The following JAKMIP2 variants were observed in gnomAD, a reference collection of about 807,000 sequenced individuals.
JAKMIP2 encodes janus kinase and microtubule interacting protein 2, also known as janus kinase and microtubule-interacting protein 2.
Under a neutral mutation model 115.0 loss-of-function variants are expected in JAKMIP2, and 25 were observed. That is an observed-to-expected ratio of 0.22 (90% CI 0.16 to 0.30). The LOEUF is 0.30. Among genes scored for constraint, JAKMIP2 ranks in the 10% least tolerant of loss-of-function variants. The pLI is 1.00. For missense variants in JAKMIP2, 642 were observed against 957.6 expected (o/e 0.67, Z 4.35); for synonymous variants, 334 against 343.6 (o/e 0.97, Z 0.31).
At chr5:147,621,307 C>T (rs1348195085) in intron 17 of JAKMIP2, among the ~76,000 whole-genome samples, 1 of 152,216 alleles carries the variant, frequency 6.6e-6, no homozygotes, top group African/African-American at 2.4e-5. Flanking sequence ...TTCTCAGTTT[C>T]TGTGTGCTTC....
At chr5:147,597,281 A>G (rs1416237527) in intron 21 of JAKMIP2, among the ~76,000 whole-genome samples, 1 of 152,172 alleles carries the variant, frequency 6.6e-6, no homozygotes, top group Non-Finnish European at 1.5e-5. Flanking sequence ...ACGTTTTAAC[A>G]AATAATACAG....
chr5:147,770,987 T>C (rs1229222815), intron 1 of JAKMIP2, among the ~76,000 whole-genome samples: 1 of 152,148 alleles, frequency 6.6e-6, no homozygotes, highest in Non-Finnish European at 1.5e-5. Context: ...TTTTTTTCAC[T>C]GAGGAAAGTG....
At chr5:147,616,751 A>C (rs1295188407) in intron 19 of JAKMIP2, among the ~76,000 whole-genome samples, 1 of 152,202 alleles carries the variant, frequency 6.6e-6, no homozygotes, top group East Asian at 1.9e-4. Flanking sequence ...GGGCATTAAT[A>C]GGAACATGTA....
intron 6 of JAKMIP2, 119 bp downstream of exon 6, chr5:147,644,731 A>T: frequency 2.2e-6 from 2 of 895,404 alleles, no homozygotes; most frequent in South Asian, 4.0e-5. Context: ...CCTTGCTTAC[A>T]TAAGGAAAAA....
intron 1 of JAKMIP2, among the ~76,000 whole-genome samples, chr5:147,715,216 T>A (rs1752927240): frequency 6.6e-6 from 1 of 151,902 alleles, no homozygotes; most frequent in Non-Finnish European, 1.5e-5. Flanking sequence ...CGATTCAAAA[T>A]AAATCAATAA....
At chr5:147,720,536 C>T (rs1232261669) in intron 1 of JAKMIP2, among the ~76,000 whole-genome samples, 1 of 148,050 alleles carries the variant, frequency 6.8e-6, no homozygotes, top group African/African-American at 2.5e-5. Flanking sequence ...TTCTTGGAGG[C>T]TTTGCTCATT....
At chr5:147,682,950 G>T (rs1174681355) in intron 1 of JAKMIP2, among the ~76,000 whole-genome samples, 1 of 152,126 alleles carries the variant, frequency 6.6e-6, no homozygotes, top group Non-Finnish European at 1.5e-5. Flanking sequence ...GAAGGCTTTT[G>T]CTAGGATGAA....
Position 147,764,968 on chromosome 5 carries a change from G to GA in JAKMIP2, c.-149+17487_-149+17488insT, listed in dbSNP as rs1561582750. 3.8e-3 allele frequency among the ~76,000 whole-genome samples: 152 copies of GA among 39,588 alleles called. 7 individuals are homozygous for GA. The highest frequency in any genetic ancestry group is 0.013 in the South Asian group (14 of 1,074). The allele number at this position is 39,588 out of a possible 152,430, so 26.0% of individuals were successfully genotyped here. ...AGAGGGAGAGAGAGAGAGAGAGAGGGGGAGAGAGAGAGAGAGAGAGAGGGA... is the reference window on the plus strand; with the variant it reads ...AGAGGGAGAGAGAGAGAGAGAGAGGGAGGAGAGAGAGAGAGAGAGAGAGGGA... On this transcript the variant is annotated intron_variant, in intron 1 of 21. Transcript: ENST00000616793.
intron 2 of JAKMIP2, among the ~76,000 whole-genome samples, chr5:147,665,133 C>T (rs1759228236): frequency 6.6e-6 from 1 of 152,156 alleles, no homozygotes; most frequent in African/African-American, 2.4e-5. Flanking sequence ...GGGCAAACTA[C>T]CACCCATGAG....
At chr5:147,738,855 G>T (rs1754027839) in intron 1 of JAKMIP2, among the ~76,000 whole-genome samples, 1 of 152,070 alleles carries the variant, frequency 6.6e-6, no homozygotes, top group Non-Finnish European at 1.5e-5. Flanking sequence ...GATAATCACA[G>T]TCTTTACTAA....
At chr5:147,751,256 G>GTT (rs59032563) in intron 1 of JAKMIP2, among the ~76,000 whole-genome samples, 1,458 of 131,564 alleles carry the variant, frequency 0.011, 29 homozygotes, top group African/African-American at 0.035. Context: ...TTTTGTTGTT[G>GTT]TTTTTTTTTT....
intron 19 of JAKMIP2, 85 bp from the exon 20 acceptor site, chr5:147,612,456 T>C: frequency 6.7e-6 from 5 of 742,050 alleles, no homozygotes; most frequent in Non-Finnish European, 1.1e-5. Context: ...AACACGAAAC[T>C]TCCTATACAA....
At chr5:147,669,859 A>G (rs1457205109) in intron 2 of JAKMIP2, among the ~76,000 whole-genome samples, 1 of 152,168 alleles carries the variant, frequency 6.6e-6, no homozygotes, top group African/African-American at 2.4e-5. Flanking sequence ...TTCTCACCTC[A>G]CTACTTTATC....
chr5:147,702,157 T>C (rs1346676893), intron 1 of JAKMIP2, among the ~76,000 whole-genome samples: 1 of 152,154 alleles, frequency 6.6e-6, no homozygotes, highest in Non-Finnish European at 1.5e-5. Flanking sequence ...TTGATGGAAC[T>C]ATTTTACTGG....
Position 147,631,494 on chromosome 5 carries a change from G to A in JAKMIP2, c.1794C>T (p.Ser598=), listed in dbSNP as rs1757346918. The change falls in exon 14 of 22, where the codon TCC becomes TCT. Residue 598 remains serine, a synonymous_variant. Transcript: ENST00000616793. ...GGTGAATTTGGAGATTAAATGGAGG[G>A]GATCGTCTCTCTCTCTCCTTGAAAC... ...NLELEERERR[S]PPFNLQIHPF... 3 of 1,608,548 alleles carry A rather than the reference G, an allele frequency of 1.9e-6. No individual in the cohort carries two copies. The highest frequency in any genetic ancestry group is 1.7e-5 in the Admixed American group (1 of 59,942).
Position 147,649,946 on chromosome 5 carries a change from T to A in JAKMIP2, c.837+392A>T, listed in dbSNP as rs975829525. On this transcript the variant is annotated intron_variant, in intron 4 of 21. Coordinates refer to ENST00000616793, the MANE Select transcript of JAKMIP2 (RefSeq NM_001270941.2). ...GTTTTGTCTTTTATGCAGTTATACA[T>A]TTTGACCCCTGTAGATGACAACCAT... Among the ~76,000 whole-genome samples the A allele has an allele frequency of 2.0e-5, 3 of 152,176 alleles. 1 individual carries two copies. Among genetic ancestry groups the A allele is most frequent in the Admixed American group, 1.3e-4 (2 of 15,280 alleles).
At chr5:147,643,439 C>T (rs1262852346) in intron 7 of JAKMIP2, among the ~76,000 whole-genome samples, 2 of 152,096 alleles carry the variant, frequency 1.3e-5, no homozygotes, top group Non-Finnish European at 2.9e-5. Context: ...GATGGAGAGG[C>T]AAAGAAGAAA....
At chr5:147,699,624 A>AC (rs1468452782) in intron 1 of JAKMIP2, among the ~76,000 whole-genome samples, 1 of 152,290 alleles carries the variant, frequency 6.6e-6, no homozygotes, top group Non-Finnish European at 1.5e-5. Context: ...CATAAAAAAA[A>AC]CCCTAAAATT....
Position 147,629,681 on chromosome 5 carries a change from T to C in JAKMIP2, c.1929+12A>G. ...CAAATTCATATCTATACTAAATCAA[T>C]TCTTTACTTACCCCATTATCACCCA... On this transcript the variant is annotated intron_variant, in intron 15 of 21. Transcript: ENST00000616793. The C allele has an allele frequency of 6.2e-7, 1 of 1,603,646 alleles. No individual in the cohort carries two copies. The highest frequency in any genetic ancestry group is 8.5e-7 in the Non-Finnish European group (1 of 1,172,020).
Sources: allele counts gnomAD v4.1 joint callset (sites outside exome capture counted in the v4.1 genomes callset), GRCh38; gene constraint gnomAD v4.1.1; transcripts MANE v1.5; gene names NCBI Gene and HGNC (gene_info 2026-07-23, HGNC 2026-07-21).